The following RIMKLB variants were observed in gnomAD, a reference collection of about 807,000 sequenced individuals.
The protein encoded by RIMKLB is ribosomal modification protein rimK like family member B.
A neutral mutation model predicts 32.0 loss-of-function variants in RIMKLB; 7 were observed. The ratio of observed to expected loss-of-function variants is 0.22; its 90% CI spans 0.12 to 0.41. The LOEUF (loss-of-function observed/expected upper bound fraction) is 0.41, where lower values mean the gene tolerates loss of function less well. Among genes scored for constraint, RIMKLB ranks in the 10% least tolerant of loss-of-function variants. RIMKLB has a pLI of 1.00. For synonymous variants in RIMKLB, 172 were observed against 185.1 expected (o/e 0.93, Z 0.57); for missense variants, 289 against 498.7 (o/e 0.58, Z 4.00).
chr12:8,731,546 T>G (rs1441834887), intron 2 of RIMKLB, among the ~76,000 whole-genome samples: 1 of 152,194 alleles, frequency 6.6e-6, no homozygotes, highest in Non-Finnish European at 1.5e-5. Context: ...AGTGGTTCTT[T>G]AAGCTCTGGT....
At chr12:8,684,527 A>T (rs1392249083) in intron 1 of RIMKLB, among the ~76,000 whole-genome samples, 2 of 152,132 alleles carry the variant, frequency 1.3e-5, no homozygotes, top group African/African-American at 4.8e-5. Flanking sequence ...TTTTGCATAT[A>T]GGTCTGTGAT....
upstream of RIMKLB, among the ~76,000 whole-genome samples, chr12:8,677,004 T>C (rs1942347097): frequency 1.3e-5 from 2 of 152,124 alleles, no homozygotes; most frequent in South Asian, 4.1e-4. Flanking sequence ...AGAAATCAGA[T>C]GCTCACTCCT....
downstream of RIMKLB, among the ~76,000 whole-genome samples, chr12:8,781,728 T>G (rs774672895): frequency 4.6e-5 from 7 of 152,336 alleles, no homozygotes; most frequent in East Asian, 1.3e-3. Context: ...ATGTCTGTCT[T>G]TCTCTTCCTC....
At chr12:8,704,306 C>G (rs1454948165) in intron 1 of RIMKLB, among the ~76,000 whole-genome samples, 1 of 151,934 alleles carries the variant, frequency 6.6e-6, no homozygotes, top group African/African-American at 2.4e-5. Flanking sequence ...TCACTTGAAC[C>G]CAGGAGGCGG....
intron 5 of RIMKLB, among the ~76,000 whole-genome samples, chr12:8,767,764 G>A (rs1415341514): frequency 6.6e-6 from 1 of 152,158 alleles, no homozygotes; most frequent in Non-Finnish European, 1.5e-5. Context: ...CAATCCAGAA[G>A]GTTTGGGTTT....
At chr12:8,740,319 G>A (rs777462952) in intron 2 of RIMKLB, among the ~76,000 whole-genome samples, 5 of 152,106 alleles carry the variant, frequency 3.3e-5, no homozygotes, top group East Asian at 1.9e-4. Flanking sequence ...TTTTTTCCCC[G>A]ATGGTCATTA....
At chr12:8,749,458 C>T (rs1948441118) in intron 2 of RIMKLB, among the ~76,000 whole-genome samples, 1 of 152,214 alleles carries the variant, frequency 6.6e-6, no homozygotes, top group East Asian at 1.9e-4. Flanking sequence ...ATCCACCCAC[C>T]TTGGCATCCC....
rs1944874930 is a variant in RIMKLB at position 8,716,654 on chromosome 12, G to C, written c.175+2613G>C. On this transcript the variant is annotated intron_variant, in intron 2 of 5. Transcript: ENST00000535829. ...TCTCCTGTGAGAGAGAGGGGCACCT[G>C]AGTGGGGCTTCCCATGGCTTCAAAT... Among the ~76,000 whole-genome samples, 3 of 148,176 alleles carry C rather than the reference G, an allele frequency of 2.0e-5. No individual in the cohort carries two copies. In the South Asian group the frequency reaches 6.4e-4, roughly 32 times the overall value.
intron 5 of RIMKLB, among the ~76,000 whole-genome samples, chr12:8,771,934 G>C (rs1950441373): frequency 6.6e-6 from 1 of 152,062 alleles, no homozygotes; most frequent in African/African-American, 2.4e-5. Context: ...TGTCGCCCAG[G>C]CTGGAGTGCA....
At chr12:8,723,981 A>AAGTTT (rs1945735876) in intron 2 of RIMKLB, among the ~76,000 whole-genome samples, 1 of 143,652 alleles carries the variant, frequency 7.0e-6, no homozygotes, top group Non-Finnish European at 1.5e-5. Flanking sequence ...ATGCCTGGCT[A>AAGTTT]AGTTTTGTTT....
At chr12:8,715,246 T>TTTTTTTTTTTTTG (rs1555153656) in intron 2 of RIMKLB, among the ~76,000 whole-genome samples, 6 of 148,284 alleles carry the variant, frequency 4.0e-5, no homozygotes, top group African/African-American at 1.5e-4. Context: ...TTTTTTTTTT[T>TTTTTTTTTTTTTG]GGAGACAGGG....
intron 2 of RIMKLB, among the ~76,000 whole-genome samples, chr12:8,729,814 T>C (rs1232050939): frequency 6.6e-6 from 1 of 152,182 alleles, no homozygotes; most frequent in African/African-American, 2.4e-5. Flanking sequence ...CCATTTTGCA[T>C]TCCCATCAAG....
At chr12:8,752,681 T>C (rs1948711180) in intron 4 of RIMKLB, among the ~76,000 whole-genome samples, 1 of 152,210 alleles carries the variant, frequency 6.6e-6, no homozygotes, top group Non-Finnish European at 1.5e-5. Context: ...TATGAAAATA[T>C]CTTAATGACT....
chr12:8,760,119 C>T (rs915775514), intron 5 of RIMKLB, among the ~76,000 whole-genome samples: 5 of 152,148 alleles, frequency 3.3e-5, no homozygotes, highest in African/African-American at 4.8e-5. Context: ...AACAGGCCCC[C>T]GTGTGTGATG....
chr12:8,772,338 G>A (rs908402595), intron 5 of RIMKLB, among the ~76,000 whole-genome samples: 6 of 152,154 alleles, frequency 3.9e-5, no homozygotes, highest in African/African-American at 1.4e-4. Context: ...TTTAACTTCA[G>A]AAAATCTTTT....
chr12:8,778,361 CAAA>C (rs1469747393), downstream of RIMKLB, among the ~76,000 whole-genome samples: 1 of 152,052 alleles, frequency 6.6e-6, no homozygotes, highest in African/African-American at 2.4e-5. Flanking sequence ...GAAGATAATA[CAAA>C]AAAATTTAGT....
In RIMKLB at chr12:8,774,454, G is replaced by A. The variant is rs1019368305; in HGVS notation, c.*670G>A. The A allele has an allele frequency of 7.0e-5, 69 of 985,062 alleles. No homozygotes were observed. Among genetic ancestry groups the A allele is most frequent in the Non-Finnish European group, 7.6e-5 (63 of 829,488 alleles). The allele number at this position is 985,062 out of a possible 1,614,324, so 61.0% of individuals were successfully genotyped here. On this transcript the variant is annotated 3_prime_UTR_variant, in exon 6 of 6. Transcript: ENST00000535829. ...GGAAATGAACAGTATTGCAATGTCC[G>A]GTATACAAAATAACATTAATTCAAT... is the stretch of plus-strand genomic sequence containing the variant.
At chr12:8,767,334 G>A (rs1382900998) in intron 5 of RIMKLB, among the ~76,000 whole-genome samples, 1 of 152,182 alleles carries the variant, frequency 6.6e-6, no homozygotes. Flanking sequence ...CATGTCGAGA[G>A]CTGTATGCCT....
At chr12:8,726,648 C>CCATTTTATTCTTTTTTTTTT (rs1946036440) in intron 2 of RIMKLB, among the ~76,000 whole-genome samples, 1 of 150,866 alleles carries the variant, frequency 6.6e-6, no homozygotes, top group African/African-American at 2.4e-5. Flanking sequence ...GTTTACTGGG[C>CCATTTTATTCTTTTTTTTTT]CATTTTATTC....
Sources: gnomAD v4.1 joint callset for allele counts (sites outside exome capture counted in the v4.1 genomes callset) on GRCh38, gnomAD v4.1.1 for gene constraint, MANE v1.5 for transcripts, NCBI Gene and HGNC (gene_info 2026-07-23, HGNC 2026-07-21) for gene names.